The following D2HGDH variants were observed in gnomAD, a reference collection of about 807,000 sequenced individuals.
D2HGDH encodes the protein D-2-hydroxyglutarate dehydrogenase, mitochondrial.
D2HGDH carries 31 observed loss-of-function variants against 46.9 expected under a neutral mutation model. The ratio of observed to expected loss-of-function variants is 0.66; its 90% CI spans 0.50 to 0.89. The LOEUF (loss-of-function observed/expected upper bound fraction) is 0.89, where lower values mean the gene tolerates loss of function less well. Among genes scored for constraint, D2HGDH ranks in the 40% least tolerant of loss-of-function variants. The pLI, the probability that D2HGDH is intolerant of heterozygous loss-of-function variation, is 0.00. For missense variants in D2HGDH, 698 were observed against 720.8 expected (o/e 0.97, Z 0.36); for synonymous variants, 364 against 332.6 (o/e 1.09, Z -1.03).
intron 6 of D2HGDH, chr2:241,749,926 C>T (rs1416398055): frequency 3.2e-6 from 2 of 624,656 alleles, no homozygotes; most frequent in Non-Finnish European, 5.8e-6. Flanking sequence ...GGTGGTGACA[C>T]TAGGTGTGCA....
rs1692408125 is a variant in D2HGDH at position 241,735,155 on chromosome 2, C to G, written c.-70C>G. On this transcript the variant is annotated 5_prime_UTR_variant, in exon 2 of 10. Transcript: ENST00000321264. ...CAGGCGCGCAGCCAGCGGCTCCCTG[C>G]CCTTCCCCTCCGGGCCCTGAGTACC... 1 of 1,414,448 alleles carries G rather than the reference C, an allele frequency of 7.1e-7. No individual in the cohort carries two copies. The highest frequency in any genetic ancestry group is 2.8e-5 in the East Asian group (1 of 35,884). 87.6% of individuals were successfully genotyped at this position (1,414,448 alleles called of 1,614,324 possible).
Position 241,768,123 on chromosome 2 carries a change from C to A in D2HGDH, c.*154C>A. On this transcript the variant is annotated 3_prime_UTR_variant, in exon 10 of 10. Transcript: ENST00000321264. ...GAGCCCGCACTGGGGAACTGCCGGA[C>A]GCAGGCCCTCGGGCAGGAGCATCTG... 1 of 1,175,342 alleles carries A rather than the reference C, an allele frequency of 8.5e-7. No homozygotes were observed. The highest frequency in any genetic ancestry group is 1.2e-6 in the Non-Finnish European group (1 of 862,292). 72.8% of individuals were successfully genotyped at this position (1,175,342 alleles called of 1,614,324 possible). A position where few individuals can be genotyped will look rare whatever the true frequency, so the allele number is the denominator to read the frequency against.
At chr2:241,756,113 T>C in intron 9 of D2HGDH, 99 bp downstream of exon 9, 1 of 1,457,852 alleles carries the variant, frequency 6.9e-7, no homozygotes, top group Non-Finnish European at 9.1e-7. Context: ...AGTTTGACCA[T>C]GGTCTCTGGC....
chr2:241,760,554 C>T (rs987350538), intron 9 of D2HGDH, among the ~76,000 whole-genome samples: 2 of 150,874 alleles, frequency 1.3e-5, no homozygotes, highest in East Asian at 2.0e-4. Flanking sequence ...AGGCCTTTGA[C>T]ACAGCGTGGG....
rs1005668285 is a variant in D2HGDH at position 241,768,374 on chromosome 2, C to T, written c.*405C>T. 9.3e-5 allele frequency: 18 copies of T among 193,628 alleles called. No individual in the cohort carries two copies. The highest frequency in any genetic ancestry group is 1.1e-4 in the South Asian group (1 of 8,928). 12.0% of individuals were successfully genotyped at this position (193,628 alleles called of 1,614,324 possible). A position where few individuals can be genotyped will look rare whatever the true frequency, so the allele number is the denominator to read the frequency against. On this transcript the variant is annotated 3_prime_UTR_variant, in exon 10 of 10. Transcript: ENST00000321264. Reference sequence around the variant, plus strand: ...TCGTTCCCCGGGCATGCGTGGGCAGCGGGGGGCATGCGTGGGCAGCAGGGG... The same window carrying T: ...TCGTTCCCCGGGCATGCGTGGGCAGTGGGGGGCATGCGTGGGCAGCAGGGG...
At chr2:241,762,965 TC>T (rs1698961588) in intron 9 of D2HGDH, among the ~76,000 whole-genome samples, 1 of 152,228 alleles carries the variant, frequency 6.6e-6, no homozygotes, top group African/African-American at 2.4e-5. Context: ...TGGCATGAGC[TC>T]ATATTCGTTA....
At chr2:241,750,565 A>C (rs1386209475) in intron 7 of D2HGDH, among the ~76,000 whole-genome samples, 2 of 152,230 alleles carry the variant, frequency 1.3e-5, no homozygotes, top group Non-Finnish European at 2.9e-5. Flanking sequence ...GGAAGGAACT[A>C]AGTGGCTATT....
At chr2:241,745,477 C>T (rs183579943) in intron 6 of D2HGDH, among the ~76,000 whole-genome samples, 55 of 152,326 alleles carry the variant, frequency 3.6e-4, no homozygotes, top group African/African-American at 1.3e-3. Flanking sequence ...AGTCTTCGCG[C>T]GGGAGGTGGC....
rs1402251347 is a variant in D2HGDH, at chr2:241,752,425, T to C, written c.1140+1037T>C. 5.9e-5 allele frequency among the ~76,000 whole-genome samples: 9 copies of C among 152,226 alleles called. No homozygotes were observed. The East Asian group carries it at 1.7e-3, about 29-fold the overall frequency. ...CATTCCTGCATTTTTCTAAGTGGACTGTGACAGTCAGCTCCCTTACATTCT... is the reference window on the plus strand; with the variant it reads ...CATTCCTGCATTTTTCTAAGTGGACCGTGACAGTCAGCTCCCTTACATTCT... On this transcript the variant is annotated intron_variant, in intron 8 of 9. Transcript: ENST00000321264.
chr2:241,741,220 T>A lies in D2HGDH; in HGVS notation c.350+130T>A, dbSNP rs1390178281. ...TGACATCTTGGTTTGTGTGTCTCAG[T>A]GTTTGTTCTGTGGTTTTTCGGTGCT... is the stretch of plus-strand genomic sequence containing the variant. On this transcript the variant is annotated intron_variant, in intron 3 of 9. Transcript: ENST00000321264. 4.8e-6 allele frequency: 4 copies of A among 841,606 alleles called. No individual in the cohort carries two copies. The East Asian group carries it at 1.1e-4, about 22-fold the overall frequency. 52.1% of individuals were successfully genotyped at this position (841,606 alleles called of 1,614,324 possible).
intron 6 of D2HGDH, chr2:241,748,732 C>A: frequency 1.0e-6 from 1 of 955,004 alleles, no homozygotes; most frequent in Non-Finnish European, 1.3e-6. Flanking sequence ...TCCTCACCAC[C>A]TGACCCCGGA....
intron 6 of D2HGDH, chr2:241,749,091 C>T: frequency 3.0e-6 from 3 of 1,015,736 alleles, no homozygotes; most frequent in Non-Finnish European, 3.6e-6. Context: ...TCCTGCTCTC[C>T]TGCAGCTGGG....
chr2:241,755,440 C>T (rs1223121255), intron 8 of D2HGDH: 1 of 1,311,370 alleles, frequency 7.6e-7, no homozygotes, highest in South Asian at 1.2e-5. Context: ...TTCCCTGGCC[C>T]TTGCCACTCT....
Position 241,735,382 on chromosome 2 carries a change from C to G in D2HGDH, c.158C>G (p.Pro53Arg). The change falls in exon 2 of 10, where the codon CCC (proline) becomes CGC (arginine). Residue 53 changes from proline to arginine, a missense_variant. Pro to Arg is a moderately radical substitution (Grantham distance 103). Coordinates refer to ENST00000321264, the MANE Select transcript of D2HGDH (RefSeq NM_152783.5). ...PEVPLTRERY[P>R]VRRLPFSTVS... Reference sequence around the variant, plus strand: ...GTGCCGCTGACCCGGGAGCGCTACCCCGTGCGGCGCTTGCCGTTCTCCACG... The same window carrying G: ...GTGCCGCTGACCCGGGAGCGCTACCGCGTGCGGCGCTTGCCGTTCTCCACG... 2 of 1,587,288 alleles carry G rather than the reference C, an allele frequency of 1.3e-6. No individual in the cohort carries two copies. The highest frequency in any genetic ancestry group is 1.7e-6 in the Non-Finnish European group (2 of 1,170,678).
intron 8 of D2HGDH, chr2:241,754,496 G>C (rs993702530): frequency 6.6e-6 from 1 of 152,158 alleles, no homozygotes; most frequent in African/African-American, 2.4e-5. Context: ...ATTGATGGTG[G>C]GGAAATGCGG....
Position 241,742,468 on chromosome 2 carries a change from A to C in D2HGDH, c.384A>C (p.Pro128=). The change falls in exon 4 of 10, where the codon CCA becomes CCC. Residue 128 remains proline, a synonymous_variant. Transcript: ENST00000321264. This position sits in a 1 kb window ranked among gnomAD's most constrained non-coding sequence, Gnocchi z 4.8. The part of the protein sequence containing the change: ...HCHERNLAVN[P]QGGNTGMVGG... Reference sequence around the variant, plus strand: ...ACGAGAGGAACCTGGCCGTGAACCCACAGGGGGGCAACACAGGCATGGTGG... The same window carrying C: ...ACGAGAGGAACCTGGCCGTGAACCCCCAGGGGGGCAACACAGGCATGGTGG... The C allele has an allele frequency of 6.2e-7, 1 of 1,613,732 alleles. No individual in the cohort carries two copies. Among genetic ancestry groups the C allele is most frequent in the African/African-American group, 1.3e-5 (1 of 75,022 alleles).
chr2:241,755,373 CT>C, intron 8 of D2HGDH: 1 of 1,303,964 alleles, frequency 7.7e-7, no homozygotes, highest in Non-Finnish European at 1.0e-6. Context: ...GCCCCCTTCC[CT>C]ACCCTGCCCC....
chr2:241,744,327 G>A (rs575466399), intron 5 of D2HGDH, among the ~76,000 whole-genome samples: 2 of 152,338 alleles, frequency 1.3e-5, no homozygotes, highest in South Asian at 4.1e-4. Context: ...GCCAGCCACT[G>A]ATTATCTTTA....
At chr2:241,754,351 G>T (rs1418900290) in intron 8 of D2HGDH, among the ~76,000 whole-genome samples, 1 of 152,164 alleles carries the variant, frequency 6.6e-6, no homozygotes, top group Non-Finnish European at 1.5e-5. Flanking sequence ...AGCTCTAGAA[G>T]TTTGTAAAAG....
Sources: allele counts gnomAD v4.1 joint callset (sites outside exome capture counted in the v4.1 genomes callset), GRCh38; gene constraint gnomAD v4.1.1; non-coding constraint Gnocchi (gnomAD v3.1); transcripts MANE v1.5; gene names NCBI Gene and HGNC (gene_info 2026-07-23, HGNC 2026-07-21).